Variants in PDE4B observed in about 807,000 individuals in gnomAD.
PDE4B encodes phosphodiesterase 4B.
In PDE4B, 20 loss-of-function variants were observed where a neutral mutation model predicts 82.2. The ratio of observed to expected loss-of-function variants is 0.24; its 90% confidence interval spans 0.17 to 0.35. The LOEUF is 0.35. Among genes scored for constraint, PDE4B ranks in the 10% least tolerant of loss-of-function variants. PDE4B has a pLI of 1.00. For synonymous variants in PDE4B, 320 were observed against 318.9 expected, an observed-to-expected ratio of 1.00 and a Z score of -0.04; for missense variants, 655 against 907.2, an observed-to-expected ratio of 0.72 and a Z score of 3.57.
At chr1:66,137,041 G>A (rs1333367993) in intron 3 of PDE4B, among the ~76,000 whole-genome samples, 3 of 152,168 alleles carry the variant, frequency 2.0e-5, no homozygotes, top group Non-Finnish European at 4.4e-5. Context: ...AAATGGCAAG[G>A]GTTTTTGAGA....
At chr1:66,177,095 A>G (rs1293237733) in intron 3 of PDE4B, among the ~76,000 whole-genome samples, 2 of 152,240 alleles carry the variant, frequency 1.3e-5, no homozygotes, top group Non-Finnish European at 2.9e-5. Flanking sequence ...GTGACATTTG[A>G]CTTCAGTCTA....
intron 3 of PDE4B, among the ~76,000 whole-genome samples, chr1:66,152,913 A>G (rs1267699771): frequency 2.0e-5 from 3 of 152,160 alleles, no homozygotes; most frequent in Non-Finnish European, 4.4e-5. Context: ...GCTGAGCAGG[A>G]GACCCCACAT....
intron 3 of PDE4B, among the ~76,000 whole-genome samples, chr1:66,055,632 CCTT>C (rs1307863365): frequency 1.3e-5 from 2 of 152,148 alleles, no homozygotes; most frequent in Non-Finnish European, 2.9e-5. Context: ...TATAGCAACT[CCTT>C]CTTTGTCTGG....
intron 1 of PDE4B, among the ~76,000 whole-genome samples, chr1:65,800,609 A>G (rs1020348243): frequency 2.0e-5 from 3 of 152,228 alleles, no homozygotes; most frequent in Non-Finnish European, 2.9e-5. Context: ...CAGCATTATC[A>G]TTTGGTGAAA....
At chr1:66,134,940 G>T (rs576956313) in intron 3 of PDE4B, among the ~76,000 whole-genome samples, 8 of 152,326 alleles carry the variant, frequency 5.3e-5, no homozygotes, top group African/African-American at 1.7e-4. Flanking sequence ...ATAGAACTAT[G>T]TCATATCATG....
At chr1:65,995,739 T>C (rs1473259359) in intron 3 of PDE4B, among the ~76,000 whole-genome samples, 1 of 152,210 alleles carries the variant, frequency 6.6e-6, no homozygotes, top group Non-Finnish European at 1.5e-5. Flanking sequence ...TTCCAAACCA[T>C]GCACTTAAGT....
intron 4 of PDE4B, among the ~76,000 whole-genome samples, chr1:66,256,279 T>C (rs1654219236): frequency 6.6e-6 from 1 of 152,210 alleles, no homozygotes; most frequent in South Asian, 2.1e-4. Context: ...TTGGAATCAG[T>C]CTCAGTTCTT....
chr1:65,982,920 G>A (rs1288389351), intron 3 of PDE4B, among the ~76,000 whole-genome samples: 1 of 152,152 alleles, frequency 6.6e-6, no homozygotes, highest in Non-Finnish European at 1.5e-5. Context: ...TGGGGCCATC[G>A]CCTCATTGGT....
chr1:66,062,920 T>C (rs942097279), intron 3 of PDE4B: 1 of 152,100 alleles, frequency 6.6e-6, no homozygotes, highest in Non-Finnish European at 1.5e-5. Flanking sequence ...CTTATTAGTA[T>C]GGATCCTCAT....
At chr1:66,076,342 G>A (rs57550775) in intron 3 of PDE4B, among the ~76,000 whole-genome samples, 5 of 151,942 alleles carry the variant, frequency 3.3e-5, no homozygotes, top group Non-Finnish European at 2.9e-5. Context: ...CTACGTTGCT[G>A]CAAAGCACAT....
At chr1:66,128,796 A>C (rs2101102031) in intron 3 of PDE4B, among the ~76,000 whole-genome samples, 1 of 152,340 alleles carries the variant, frequency 6.6e-6, no homozygotes, top group Middle Eastern at 3.4e-3. Context: ...CTTATGTGGC[A>C]GCAGGCAAGA....
At chr1:66,039,148 C>T (rs1353190975) in intron 3 of PDE4B, among the ~76,000 whole-genome samples, 1 of 151,952 alleles carries the variant, frequency 6.6e-6, no homozygotes, top group Non-Finnish European at 1.5e-5. Context: ...TTATAGCATA[C>T]ACAAGGCAGA....
At chr1:66,192,428 C>T (rs182478274) in intron 3 of PDE4B, among the ~76,000 whole-genome samples, 10 of 152,298 alleles carry the variant, frequency 6.6e-5, no homozygotes, top group Admixed American at 5.2e-4. Flanking sequence ...TGCCCTTCTG[C>T]ATCCTCCTAG....
chr1:65,794,766 T>C (rs1046253910), intron 1 of PDE4B, among the ~76,000 whole-genome samples: 1 of 152,224 alleles, frequency 6.6e-6, no homozygotes, highest in African/African-American at 2.4e-5. Flanking sequence ...GTAAGATTGT[T>C]AAATGGACTG....
chr1:66,051,101 G>C (rs539140961), intron 3 of PDE4B, among the ~76,000 whole-genome samples: 1 of 151,960 alleles, frequency 6.6e-6, no homozygotes, highest in Non-Finnish European at 1.5e-5. Context: ...GTATGTTTTT[G>C]CCTTTGGAAC....
chr1:66,372,871 C>A lies in PDE4B; in HGVS notation c.*193C>A. On this transcript the variant is annotated 3_prime_UTR_variant, in exon 17 of 17. Coordinates refer to ENST00000341517, the MANE Select transcript of PDE4B (RefSeq NM_002600.4). ...TCAGGAAATCCCACGGTTGACTTGC[C>A]TTGATGGCAAGCTTGGTGGAGAGGG... 1 of 573,174 alleles carries A rather than the reference C, an allele frequency of 1.7e-6. No homozygotes were observed. The highest frequency in any genetic ancestry group is 2.4e-5 in the South Asian group (1 of 41,092). The allele number at this position is 573,174 out of a possible 1,614,324, so 35.5% of individuals were successfully genotyped here.
intron 3 of PDE4B, among the ~76,000 whole-genome samples, chr1:66,013,885 A>G (rs1250827996): frequency 6.6e-6 from 1 of 152,104 alleles, no homozygotes; most frequent in Non-Finnish European, 1.5e-5. Context: ...CTCCATAATG[A>G]CTGTATCATT....
intron 15 of PDE4B, 158 bp downstream of exon 15, chr1:66,368,223 A>T (rs1289408743): frequency 1.6e-6 from 1 of 614,858 alleles, no homozygotes; most frequent in Non-Finnish European, 2.7e-6. Flanking sequence ...GAAAATGGAC[A>T]TTCAAGTTTA....
At chr1:65,938,903 A>G (rs1648297063) in intron 3 of PDE4B, among the ~76,000 whole-genome samples, 1 of 152,184 alleles carries the variant, frequency 6.6e-6, no homozygotes, top group South Asian at 2.1e-4. Flanking sequence ...ATGAAATAAA[A>G]GAAGAACACT....
Sources: allele counts gnomAD v4.1 joint callset (sites outside exome capture counted in the v4.1 genomes callset), GRCh38; gene constraint gnomAD v4.1.1; transcripts MANE v1.5; gene names NCBI Gene and HGNC (gene_info 2026-07-23, HGNC 2026-07-21).